INPP5A: variants seen among roughly 807,000 people sequenced by gnomAD.
INPP5A encodes the protein 43 kDa inositol polyphosphate 5-phophatase.
In INPP5A, 14 loss-of-function variants were observed where a neutral mutation model predicts 65.2. The ratio of observed to expected loss-of-function variants is 0.21; its 90% CI spans 0.14 to 0.34. The LOEUF (loss-of-function observed/expected upper bound fraction) is 0.34, where lower values mean the gene tolerates loss of function less well. Ranked by LOEUF, INPP5A falls within the 10% of genes least tolerant of loss-of-function variation. The probability of loss-of-function intolerance (pLI) is 1.00; values close to 1 mark genes in which losing one functional copy is unlikely to be tolerated. For missense variants in INPP5A, 431 were observed against 545.6 expected, an observed-to-expected ratio of 0.79 and a Z score of 2.09; for synonymous variants, 207 against 208.3, an observed-to-expected ratio of 0.99 and a Z score of 0.05.
chr10:132,602,880 T>G (rs1450082107), intron 1 of INPP5A, among the ~76,000 whole-genome samples: 1 of 152,194 alleles, frequency 6.6e-6, no homozygotes, highest in African/African-American at 2.4e-5. Flanking sequence ...TCAGAGGTCC[T>G]TTCTTTCCTT....
At chr10:132,766,099 C>T (rs1421260482) in intron 12 of INPP5A, among the ~76,000 whole-genome samples, 6 of 151,542 alleles carry the variant, frequency 4.0e-5, no homozygotes, top group Non-Finnish European at 8.8e-5. Context: ...TGTGTGTGCA[C>T]GAGTGCATCT....
At chr10:132,771,043 G>A (rs942772147) in intron 12 of INPP5A, among the ~76,000 whole-genome samples, 10 of 152,352 alleles carry the variant, frequency 6.6e-5, no homozygotes, top group African/African-American at 1.9e-4. Context: ...AGGCTCGTCC[G>A]CCCTTCTGGA....
At chr10:132,642,328 G>A (rs2072436657) in intron 2 of INPP5A, among the ~76,000 whole-genome samples, 1 of 152,216 alleles carries the variant, frequency 6.6e-6, no homozygotes, top group African/African-American at 2.4e-5. Flanking sequence ...GAGAAGCCCT[G>A]GTGTCCTCGG....
At chr10:132,735,132 G>T (rs1371223698) in intron 9 of INPP5A, among the ~76,000 whole-genome samples, 1 of 152,210 alleles carries the variant, frequency 6.6e-6, no homozygotes, top group Non-Finnish European at 1.5e-5. Flanking sequence ...TGGGCTCCAT[G>T]CAGGCTAGTC....
At chr10:132,780,567 G>A (rs538817050) in intron 13 of INPP5A, among the ~76,000 whole-genome samples, 8 of 152,360 alleles carry the variant, frequency 5.3e-5, no homozygotes, top group East Asian at 3.9e-4. Flanking sequence ...CAGCACCCGC[G>A]GCTCCCCACG....
rs2072970881 is a variant in INPP5A, at chr10:132,676,834, C to T, written c.307-13558C>T. The stretch of plus-strand genomic sequence containing the variant: ...CCACAGTAGTAGCCTCAGTCCAGTG[C>T]TTGACCCTGCCCTTTTCTCTGGCTC... On this transcript the variant is annotated intron_variant, in intron 4 of 15. Transcript: ENST00000368594. This position sits in a 1 kb window ranked among gnomAD's most constrained non-coding sequence, Gnocchi z 4.0. Among the ~76,000 whole-genome samples, 1 of 152,210 alleles carries T rather than the reference C, an allele frequency of 6.6e-6. No individual in the cohort carries two copies. The highest frequency in any genetic ancestry group is 1.5e-5 in the Non-Finnish European group (1 of 68,028).
chr10:132,714,831 ACTT>A (rs80114029), intron 8 of INPP5A, among the ~76,000 whole-genome samples: 12,568 of 152,256 alleles, frequency 0.083, 779 homozygotes, highest in East Asian at 0.2. Context: ...GCTCCACTGG[ACTT>A]CTTATCACAG....
At chr10:132,696,328 G>T (rs1845343391) in intron 5 of INPP5A, among the ~76,000 whole-genome samples, 1 of 152,110 alleles carries the variant, frequency 6.6e-6, no homozygotes, top group Admixed American at 6.5e-5. Context: ...TGACTGTAAA[G>T]GTTATGTGGA....
chr10:132,729,780 A>G (rs1316636635), intron 9 of INPP5A, among the ~76,000 whole-genome samples: 3 of 152,324 alleles, frequency 2.0e-5, no homozygotes, highest in African/African-American at 4.8e-5. Flanking sequence ...GGCAGCCTTC[A>G]TGCTTAACTT....
chr10:132,776,231 G>T (rs79791053), intron 12 of INPP5A, among the ~76,000 whole-genome samples: 1 of 152,192 alleles, frequency 6.6e-6, no homozygotes, highest in Non-Finnish European at 1.5e-5. Context: ...CAGGCCCTGC[G>T]TAGCTACGTT....
chr10:132,596,939 GTGTGCGTGTGTGCACA>G (rs2071706070), intron 1 of INPP5A, among the ~76,000 whole-genome samples: 1 of 26,650 alleles, frequency 3.8e-5, no homozygotes, highest in Non-Finnish European at 8.9e-5. Flanking sequence ...GTGCACGCAT[GTGTGCGTGTGTGCACA>G]CATGTGTGCG....
intron 1 of INPP5A, among the ~76,000 whole-genome samples, chr10:132,544,941 ACTT>A (rs2070950694): frequency 6.6e-6 from 1 of 151,676 alleles, no homozygotes; most frequent in African/African-American, 2.4e-5. Flanking sequence ...GGGTGGTGGG[ACTT>A]CTTTGGTTTG....
chr10:132,678,662 A>T lies in INPP5A; in HGVS notation c.307-11730A>T, dbSNP rs528508178. 6.6e-6 allele frequency among the ~76,000 whole-genome samples: 1 copy of T among 152,238 alleles called. No homozygotes were observed. Among genetic ancestry groups the T allele is most frequent in the African/African-American group, 2.4e-5 (1 of 41,550 alleles). ...TGCCGTGACCTGGGCATTGTGGTGGAGGACTCAGAGGCGCCCAGGCCACAT... is the reference window on the plus strand; with the variant it reads ...TGCCGTGACCTGGGCATTGTGGTGGTGGACTCAGAGGCGCCCAGGCCACAT... On this transcript the variant is annotated intron_variant, in intron 4 of 15. Transcript: ENST00000368594. The surrounding 1 kb of genome is among the most constrained non-coding windows in gnomAD (Gnocchi z 4.1).
In INPP5A at chr10:132,659,487, T is replaced by C. The variant is rs182327738; in HGVS notation, c.306+8982T>C. 6.6e-6 allele frequency among the ~76,000 whole-genome samples: 1 copy of C among 152,338 alleles called. No homozygotes were observed. Among genetic ancestry groups the C allele is most frequent in the Admixed American group, 6.5e-5 (1 of 15,302 alleles). On this transcript the variant is annotated intron_variant, in intron 4 of 15. Transcript: ENST00000368594. The surrounding 1 kb of genome is among the most constrained non-coding windows in gnomAD (Gnocchi z 5.5). Reference sequence around the variant, plus strand: ...GGTCTGGAGGCGCTGCTGTCTAAGCTGAGGCTTTTGAAGGATGACCGTGCC... The same window carrying C: ...GGTCTGGAGGCGCTGCTGTCTAAGCCGAGGCTTTTGAAGGATGACCGTGCC...
intron 4 of INPP5A, among the ~76,000 whole-genome samples, chr10:132,658,009 G>T (rs1184976964): frequency 1.3e-5 from 2 of 152,282 alleles, no homozygotes; most frequent in Admixed American, 1.3e-4. Context: ...TGCGGCTGGG[G>T]CTGCAGTGAA....
intron 2 of INPP5A, among the ~76,000 whole-genome samples, chr10:132,629,214 A>C (rs928666354): frequency 5.3e-5 from 8 of 152,290 alleles, no homozygotes; most frequent in Middle Eastern, 6.8e-3. Context: ...GGTGTTATAC[A>C]GCAGTGGCCT....
chr10:132,749,715 G>A, intron 10 of INPP5A, 56 bp from the exon 11 acceptor site: 1 of 1,596,950 alleles, frequency 6.3e-7, no homozygotes, highest in Non-Finnish European at 8.6e-7. Flanking sequence ...GGGGGCTAGG[G>A]GACACGCACA....
chr10:132,739,575 C>G (rs1846237391), intron 9 of INPP5A, among the ~76,000 whole-genome samples: 2 of 152,244 alleles, frequency 1.3e-5, no homozygotes, highest in African/African-American at 4.8e-5. Flanking sequence ...AGTGCCAGCC[C>G]CCTGATCTCA....
At chr10:132,743,030 G>A (rs1462918472) in intron 9 of INPP5A, among the ~76,000 whole-genome samples, 4 of 152,236 alleles carry the variant, frequency 2.6e-5, no homozygotes, top group African/African-American at 7.2e-5. Context: ...AGAGGTCTGC[G>A]TGTTTTTCTG....
Sources: gnomAD v4.1 joint callset for allele counts (sites outside exome capture counted in the v4.1 genomes callset) on GRCh38, gnomAD v4.1.1 for gene constraint, Gnocchi (gnomAD v3.1) non-coding constraint, MANE v1.5 for transcripts, NCBI Gene and HGNC (gene_info 2026-07-23, HGNC 2026-07-21) for gene names.